The following CORO1C variants were observed in gnomAD, a reference collection of about 807,000 sequenced individuals.
CORO1C encodes coronin 1C, also known as coronin-1C.
A neutral mutation model predicts 51.2 loss-of-function variants in CORO1C; 14 were observed. That is an observed-to-expected ratio of 0.27 (90% CI 0.18 to 0.43). The LOEUF is 0.43. CORO1C is among the 20% of genes least tolerant of loss of function. The probability of loss-of-function intolerance (pLI) is 1.00; values close to 1 mark genes in which losing one functional copy is unlikely to be tolerated. For synonymous variants in CORO1C, 181 were observed against 210.5 expected (o/e 0.86, Z 1.21); for missense variants, 417 against 607.8 (o/e 0.69, Z 3.30).
rs1424647172 is a variant in CORO1C at position 108,678,423 on chromosome 12, T to C, written c.196-29A>G. On this transcript the variant is annotated intron_variant, in intron 2 of 10. Coordinates refer to ENST00000261401, the MANE Select transcript of CORO1C (RefSeq NM_014325.4). ...AAAGAAGAGAGAAACAAACCTATTA[T>C]GTAATATCAACACCACAGACGTTAT... is the stretch of plus-strand genomic sequence containing the variant. 3 of 1,537,934 alleles carry C rather than the reference T, an allele frequency of 2.0e-6. No individual in the cohort carries two copies. In the African/African-American group the frequency reaches 4.1e-5, roughly 21 times the overall value.
chr12:108,679,466 C>T (rs879858234), intron 2 of CORO1C, among the ~76,000 whole-genome samples: 2 of 152,228 alleles, frequency 1.3e-5, no homozygotes, highest in Non-Finnish European at 2.9e-5. Context: ...CTATTGTTAA[C>T]AATGGGTATA....
intron 4 of CORO1C, among the ~76,000 whole-genome samples, chr12:108,661,686 GCTT>G (rs1311014080): frequency 6.6e-6 from 1 of 152,150 alleles, no homozygotes; most frequent in East Asian, 1.9e-4. Flanking sequence ...GGAACACAGG[GCTT>G]CTGGCTCCCA....
At chr12:108,728,363 A>G (rs879638180) in intron 1 of CORO1C, among the ~76,000 whole-genome samples, 9 of 152,166 alleles carry the variant, frequency 5.9e-5, no homozygotes, top group Non-Finnish European at 1.0e-4. Flanking sequence ...ATGAAGTACT[A>G]TACAATACTA....
intron 1 of CORO1C, among the ~76,000 whole-genome samples, chr12:108,709,085 A>T (rs2035109858): frequency 6.6e-6 from 1 of 152,088 alleles, no homozygotes; most frequent in African/African-American, 2.4e-5. Context: ...AAATGTTCTA[A>T]AATTGACTGT....
At chr12:108,720,564 C>A (rs890884677) in intron 1 of CORO1C, among the ~76,000 whole-genome samples, 3 of 151,690 alleles carry the variant, frequency 2.0e-5, no homozygotes, top group African/African-American at 4.8e-5. Context: ...CTCTTTGTTG[C>A]CCAGGCTGGA....
chr12:108,713,660 G>A (rs1375170649), intron 1 of CORO1C, among the ~76,000 whole-genome samples: 2 of 152,214 alleles, frequency 1.3e-5, no homozygotes, highest in African/African-American at 4.8e-5. Flanking sequence ...TCAGCCTGAA[G>A]ACGTATAACT....
chr12:108,705,479 A>AAAAAAGAATG (rs2035001858), intron 1 of CORO1C, among the ~76,000 whole-genome samples: 2 of 151,088 alleles, frequency 1.3e-5, no homozygotes, highest in African/African-American at 4.9e-5. Context: ...AAAAAAAAAA[A>AAAAAAGAATG]AAAGAATGTA....
At chr12:108,649,294 T>C (rs1477742946) in intron 8 of CORO1C, 1 of 491,184 alleles carries the variant, frequency 2.0e-6, no homozygotes, top group Non-Finnish European at 3.6e-6. Context: ...GCCAATTATC[T>C]GGGGGACAGA....
intron 2 of CORO1C, among the ~76,000 whole-genome samples, chr12:108,694,279 CAAAAAA>C (rs60647143): frequency 1.5e-5 from 1 of 66,228 alleles, no homozygotes; most frequent in South Asian, 6.0e-4. Flanking sequence ...AAGACTGTCT[CAAAAAA>C]AAAAAAAAAA....
At chr12:108,685,340 A>G (rs1468291940) in intron 2 of CORO1C, among the ~76,000 whole-genome samples, 1 of 152,186 alleles carries the variant, frequency 6.6e-6, no homozygotes, top group Non-Finnish European at 1.5e-5. Context: ...TCACTGAAAG[A>G]GCAACTGCCA....
intron 6 of CORO1C, among the ~76,000 whole-genome samples, chr12:108,656,141 C>T (rs1387574742): frequency 1.6e-3 from 90 of 57,948 alleles, no homozygotes; most frequent in African/African-American, 4.6e-3. Context: ...CCCCTCCACC[C>T]GGCAGCCGCC....
chr12:108,676,261 T>C (rs968314875), intron 3 of CORO1C, among the ~76,000 whole-genome samples: 3 of 152,212 alleles, frequency 2.0e-5, no homozygotes, highest in Admixed American at 2.0e-4. Flanking sequence ...AGTTCTACTT[T>C]TTGACATGGA....
intron 2 of CORO1C, 62 bp from the exon 3 acceptor site, chr12:108,678,456 C>T: frequency 7.4e-7 from 1 of 1,360,346 alleles, no homozygotes; most frequent in South Asian, 1.8e-5. Flanking sequence ...TATACATTTT[C>T]TCAGGCCCAT....
At chr12:108,662,307 G>A (rs548786750) in intron 3 of CORO1C, 149 bp from the exon 4 acceptor site, 20 of 710,092 alleles carry the variant, frequency 2.8e-5, no homozygotes, top group African/African-American at 1.1e-4. Flanking sequence ...TGAAATGACC[G>A]TGTTAGGCGG....
chr12:108,663,588 G>A (rs752514484), intron 3 of CORO1C, among the ~76,000 whole-genome samples: 15 of 152,198 alleles, frequency 9.9e-5, no homozygotes, highest in Non-Finnish European at 1.3e-4. Context: ...ATAGAAGACC[G>A]CATATTGCAG....
intron 1 of CORO1C, among the ~76,000 whole-genome samples, chr12:108,711,263 G>C (rs575257587): frequency 6.6e-6 from 1 of 152,042 alleles, no homozygotes; most frequent in Non-Finnish European, 1.5e-5. Context: ...CCAGCTACTC[G>C]GGGAGCTGAG....
intron 3 of CORO1C, among the ~76,000 whole-genome samples, chr12:108,677,133 C>A (rs973350134): frequency 4.6e-5 from 7 of 152,176 alleles, no homozygotes. Context: ...CTGACACGTG[C>A]GAGACTACCT....
chr12:108,687,901 T>C (rs1008896394), intron 2 of CORO1C, among the ~76,000 whole-genome samples: 5 of 151,420 alleles, frequency 3.3e-5, no homozygotes, highest in Non-Finnish European at 5.9e-5. Flanking sequence ...CTTCCACTTA[T>C]TAACAATGTA....
At chr12:108,654,182 A>G in intron 7 of CORO1C, 124 bp downstream of exon 7, 2 of 673,234 alleles carry the variant, frequency 3.0e-6, no homozygotes, top group South Asian at 1.8e-5. Context: ...TCCTTGGCTT[A>G]TAACATACAC....
Sources: gnomAD v4.1 joint callset for allele counts (sites outside exome capture counted in the v4.1 genomes callset) on GRCh38, gnomAD v4.1.1 for gene constraint, MANE v1.5 for transcripts, NCBI Gene and HGNC (gene_info 2026-07-23, HGNC 2026-07-21) for gene names.